STARD6: variants seen among roughly 807,000 people sequenced by gnomAD.
STARD6 encodes the protein StAR related lipid transfer domain containing 6.
STARD6 carries 21 observed loss-of-function variants against 22.3 expected under a neutral mutation model. The observed-to-expected ratio is 0.94, with a 90% CI of 0.67 to 1.35. The LOEUF is 1.35. Ranked by LOEUF, STARD6 falls within the 40% of genes most tolerant of loss-of-function variation. The pLI, the probability that STARD6 is intolerant of heterozygous loss-of-function variation, is 0.00. For missense variants in STARD6, 269 were observed against 266.9 expected, an observed-to-expected ratio of 1.01 and a Z score of -0.05; for synonymous variants, 80 against 88.1, an observed-to-expected ratio of 0.91 and a Z score of 0.52.
At chr18:54,343,423 G>T (rs1161677995) in intron 4 of STARD6, among the ~76,000 whole-genome samples, 1 of 137,610 alleles carries the variant, frequency 7.3e-6, no homozygotes, top group African/African-American at 2.8e-5. Context: ...GAGGTGGGGG[G>T]GTCAGCCCCC....
intron 5 of STARD6, among the ~76,000 whole-genome samples, chr18:54,334,129 T>G (rs963984668): frequency 1.3e-5 from 2 of 152,208 alleles, no homozygotes; most frequent in Non-Finnish European, 2.9e-5. Context: ...TTTAGAAGAC[T>G]TATCTGATTC....
At chr18:54,328,750 C>T (rs190492247) in intron 7 of STARD6, among the ~76,000 whole-genome samples, 1 of 152,044 alleles carries the variant, frequency 6.6e-6, no homozygotes, top group East Asian at 1.9e-4. Flanking sequence ...ATTTAAGGAA[C>T]TTGTGAAATG....
At chr18:54,339,121 A>T (rs2088946765) in intron 4 of STARD6, among the ~76,000 whole-genome samples, 1 of 148,124 alleles carries the variant, frequency 6.8e-6, no homozygotes. Context: ...GAACTAACGA[A>T]AGCAGGAAAA....
rs2089126785 is a variant in STARD6 at position 54,354,529 on chromosome 18, T to C, written c.45A>G (p.Leu15=). The change falls in exon 3 of 8, where the codon TTA becomes TTG. Residue 15 remains leucine, a synonymous_variant. Transcript: ENST00000307844. ...AIAQQTAQEV[L]GYNRDTSGWK... is the part of the protein sequence containing the mutation. ...AGCCTGATGTATCTCGATTATAACC[T>C]AAAACTTCTTGGGCAGTTTGTTGGG... 6.2e-7 allele frequency: 1 copy of C among 1,613,226 alleles called. No individual in the cohort carries two copies. The highest frequency in any genetic ancestry group is 8.5e-7 in the Non-Finnish European group (1 of 1,179,632).
At chr18:54,336,738 C>T (rs368078049) in intron 5 of STARD6, among the ~76,000 whole-genome samples, 4 of 152,242 alleles carry the variant, frequency 2.6e-5, no homozygotes, top group East Asian at 1.9e-4. Flanking sequence ...ACTTCCCCTT[C>T]GCCTTCTGCC....
chr18:54,350,642 C>A (rs2089087097), intron 4 of STARD6, among the ~76,000 whole-genome samples: 1 of 152,160 alleles, frequency 6.6e-6, no homozygotes, highest in Admixed American at 6.6e-5. Flanking sequence ...TTTGATCCAT[C>A]TTGAGTACAT....
intron 7 of STARD6, among the ~76,000 whole-genome samples, chr18:54,327,024 T>A (rs1041807643): frequency 1.3e-5 from 2 of 152,214 alleles, no homozygotes; most frequent in Non-Finnish European, 2.9e-5. Context: ...AACCTTCAGA[T>A]AGTTAATCTC....
chr18:54,340,605 G>A (rs186714017), intron 4 of STARD6, among the ~76,000 whole-genome samples: 30 of 152,048 alleles, frequency 2.0e-4, no homozygotes, highest in East Asian at 3.9e-4. Flanking sequence ...GACTGAATAC[G>A]GCAGACATAA....
At chr18:54,340,003 C>T (rs894587455) in intron 4 of STARD6, among the ~76,000 whole-genome samples, 9 of 151,926 alleles carry the variant, frequency 5.9e-5, no homozygotes, top group Admixed American at 3.9e-4. Flanking sequence ...CAGATAGTAA[C>T]TCAAATCCAC....
intron 4 of STARD6, among the ~76,000 whole-genome samples, chr18:54,343,934 T>A (rs1307072611): frequency 2.4e-5 from 1 of 42,330 alleles, no homozygotes; most frequent in Non-Finnish European, 3.9e-5. Context: ...AGCCGCCCCG[T>A]CCGCGAGGGA....
chr18:54,347,911 G>A (rs1307423205), intron 4 of STARD6, among the ~76,000 whole-genome samples: 1 of 152,080 alleles, frequency 6.6e-6, no homozygotes, highest in Non-Finnish European at 1.5e-5. Context: ...CCCAGGTGTT[G>A]TAGGAGAGAC....
At position 54,324,808 on chromosome 18, in the gene STARD6, T is replaced by C. The variant is rs139647303; in HGVS notation, c.547A>G (p.Ile183Val). The C allele has an allele frequency of 5.5e-5, 89 of 1,606,940 alleles. No individual in the cohort carries two copies. Among genetic ancestry groups the C allele is most frequent in the Non-Finnish European group, 7.3e-5 (86 of 1,177,522 alleles). The change falls in exon 8 of 8, where the codon ATA becomes GTA. Residue 183 changes from isoleucine (I) to valine (V), a missense_variant. Ile to Val is a conservative substitution (Grantham distance 29). Coordinates refer to ENST00000307844, the MANE Select transcript of STARD6 (RefSeq NM_139171.2). ...TTGGAAGGCATGGTTTTTTCAATTA[T>C]TGATGGGGACAATTTTCCTCTCATT... ...TEMRGKLSPSIIEKTMPSNLV... is the reference protein window; with the variant it reads ...TEMRGKLSPSVIEKTMPSNLV...
intron 6 of STARD6, among the ~76,000 whole-genome samples, chr18:54,330,619 TAAG>T (rs543450017): frequency 1.8e-3 from 280 of 152,170 alleles, no homozygotes; most frequent in African/African-American, 6.4e-3. Context: ...AAAGAAATGT[TAAG>T]AAAACTATGA....
At chr18:54,342,203 A>G (rs2088975027) in intron 4 of STARD6, among the ~76,000 whole-genome samples, 1 of 152,244 alleles carries the variant, frequency 6.6e-6, no homozygotes, top group Non-Finnish European at 1.5e-5. Flanking sequence ...CATCTTAATT[A>G]TCTATAACAA....
intron 4 of STARD6, among the ~76,000 whole-genome samples, chr18:54,340,430 G>A (rs2088959619): frequency 6.6e-6 from 1 of 151,744 alleles, no homozygotes; most frequent in Non-Finnish European, 1.5e-5. Flanking sequence ...ATTATTAAAG[G>A]AATTAAAGAT....
intron 6 of STARD6, 107 bp from the exon 7 acceptor site, chr18:54,329,547 T>G (rs113357926): frequency 3.5e-6 from 3 of 867,838 alleles, no homozygotes. Context: ...TTAATAGCAT[T>G]AACATTAGTT....
intron 6 of STARD6, among the ~76,000 whole-genome samples, 177 bp from the exon 7 acceptor site, chr18:54,329,617 A>G (rs964757800): frequency 3.3e-5 from 5 of 152,084 alleles, no homozygotes; most frequent in African/African-American, 1.2e-4. Flanking sequence ...TACCAGTATC[A>G]ACACTATTGT....
chr18:54,345,668 T>A (rs2089027035), intron 4 of STARD6, among the ~76,000 whole-genome samples: 1 of 152,206 alleles, frequency 6.6e-6, no homozygotes, highest in Non-Finnish European at 1.5e-5. Flanking sequence ...CTCACACTTC[T>A]TAATTTCAAA....
intron 4 of STARD6, among the ~76,000 whole-genome samples, chr18:54,351,899 G>GTTTTTT (rs60888927): frequency 2.8e-5 from 2 of 70,656 alleles, no homozygotes; most frequent in Admixed American, 1.5e-4. Flanking sequence ...ATATTGGTCC[G>GTTTTTT]TTTTTTTTTT....
Sources: gnomAD v4.1 joint callset for allele counts (sites outside exome capture counted in the v4.1 genomes callset) on GRCh38, gnomAD v4.1.1 for gene constraint, MANE v1.5 for transcripts, NCBI Gene and HGNC (gene_info 2026-07-23, HGNC 2026-07-21) for gene names.